Variants in TNPO3 observed in about 807,000 individuals in gnomAD.
The protein encoded by TNPO3 is transportin 3, also known as transportin-3.
Under a neutral mutation model 122.8 loss-of-function variants are expected in TNPO3, and 65 were observed. The observed-to-expected ratio is 0.53, with a 90% CI of 0.43 to 0.65. The LOEUF is 0.65. Among genes scored for constraint, TNPO3 ranks in the 30% least tolerant of loss-of-function variants. The probability of loss-of-function intolerance (pLI) is 0.00; values close to 1 mark genes in which losing one functional copy is unlikely to be tolerated. For missense variants in TNPO3, 850 were observed against 1,136.7 expected (o/e 0.75, Z 3.63); for synonymous variants, 372 against 411.2 (o/e 0.90, Z 1.15).
chr7:128,980,988 A>G (rs887507630), intron 14 of TNPO3, among the ~76,000 whole-genome samples: 1 of 152,226 alleles, frequency 6.6e-6, no homozygotes, highest in African/African-American at 2.4e-5. Context: ...AAAACCACAC[A>G]TAATTAACTA....
At position 129,023,353 on chromosome 7, in the gene TNPO3, GTAGA is replaced by G. The variant is rs1292535433; in HGVS notation, c.121-5200_121-5197del. On this transcript the variant is annotated intron_variant, in intron 1 of 22. Coordinates refer to ENST00000265388, the MANE Select transcript of TNPO3 (RefSeq NM_012470.4). ...TTTCTACACTTGTATACATACACGT[GTAGA>G]TAATTTATATATATTATATAGATAT... Among the ~76,000 whole-genome samples the G allele has an allele frequency of 7.2e-5, 11 of 151,770 alleles. No individual in the cohort carries two copies. In the East Asian group the frequency reaches 7.7e-4, roughly 11 times the overall value.
chr7:128,995,430 C>A (rs891696486), intron 8 of TNPO3, among the ~76,000 whole-genome samples: 3 of 152,174 alleles, frequency 2.0e-5, no homozygotes, highest in African/African-American at 7.2e-5. Context: ...CTAGTTCAAG[C>A]TCCTTGCTTT....
intron 17 of TNPO3, 30 bp from the exon 18 acceptor site, chr7:128,974,992 T>G (rs772701112): frequency 6.3e-7 from 1 of 1,582,598 alleles, no homozygotes; most frequent in East Asian, 2.2e-5. Flanking sequence ...TTAAAAGAAA[T>G]GCTTTTTCAG....
intron 14 of TNPO3, among the ~76,000 whole-genome samples, chr7:128,980,999 C>T (rs1799575419): frequency 6.6e-6 from 1 of 152,168 alleles, no homozygotes; most frequent in Non-Finnish European, 1.5e-5. Flanking sequence ...TAATTAACTA[C>T]AAACTACTTT....
chr7:129,054,742 A>G lies in TNPO3; in HGVS notation c.29T>C (p.Leu10Pro). ...AAGCGCCTGCACTGCCTGGTACACGAGCTGCAATGTCGGCTTTGCTCCTTC... is the reference window on the plus strand; with the variant it reads ...AAGCGCCTGCACTGCCTGGTACACGGGCTGCAATGTCGGCTTTGCTCCTTC... MEGAKPTLQ[L>P]VYQAVQALYH... is the part of the protein sequence containing the mutation. The change falls in exon 1 of 23, where the codon CTC becomes CCC. Residue 10 changes from leucine to proline, a missense_variant. Leu to Pro is a moderately conservative substitution (Grantham distance 98). Transcript: ENST00000265388. The G allele has an allele frequency of 6.2e-7, 1 of 1,614,148 alleles. No homozygotes were observed.
intron 1 of TNPO3, among the ~76,000 whole-genome samples, chr7:129,042,065 C>T (rs1807443708): frequency 6.6e-6 from 1 of 152,172 alleles, no homozygotes; most frequent in Non-Finnish European, 1.5e-5. Flanking sequence ...CCTAAGGACT[C>T]ATTAGCTGCC....
rs1375817061 is a variant in TNPO3, at chr7:128,954,485, C to T, written c.*932G>A. The T allele has an allele frequency of 1.3e-5, 2 of 152,194 alleles. No individual in the cohort carries two copies. Among genetic ancestry groups the T allele is most frequent in the African/African-American group, 4.8e-5 (2 of 41,422 alleles). 9.4% of individuals were successfully genotyped at this position (152,194 alleles called of 1,614,324 possible). A position where few individuals can be genotyped will look rare whatever the true frequency, so the allele number is the denominator to read the frequency against. ...CTCATGTCTGTGGGTGAATAATTCA[C>T]TAAGAAAAAAACCTTAAAAAACAAA... On this transcript the variant is annotated 3_prime_UTR_variant, in exon 23 of 23. Coordinates refer to ENST00000265388, the MANE Select transcript of TNPO3 (RefSeq NM_012470.4).
At chr7:129,012,763 A>G (rs534256414) in intron 4 of TNPO3, among the ~76,000 whole-genome samples, 8 of 152,166 alleles carry the variant, frequency 5.3e-5, no homozygotes, top group African/African-American at 1.7e-4. Context: ...ACCAGTAAAC[A>G]TTTTCTATAA....
At chr7:129,004,091 T>C (rs564097204) in intron 5 of TNPO3, among the ~76,000 whole-genome samples, 1 of 152,326 alleles carries the variant, frequency 6.6e-6, no homozygotes, top group South Asian at 2.1e-4. Context: ...GGCATCCTAA[T>C]TTTCCTAAGG....
intron 1 of TNPO3, among the ~76,000 whole-genome samples, chr7:129,020,602 G>A (rs1302423261): frequency 6.6e-6 from 1 of 152,028 alleles, no homozygotes. Flanking sequence ...ACCACACCCG[G>A]CTAATTTTTG....
intron 1 of TNPO3, among the ~76,000 whole-genome samples, chr7:129,033,580 C>A (rs987776636): frequency 6.6e-6 from 1 of 152,052 alleles, no homozygotes; most frequent in African/African-American, 2.4e-5. Flanking sequence ...ACCATATATT[C>A]CAAAAATCCC....
intron 1 of TNPO3, among the ~76,000 whole-genome samples, chr7:129,022,098 T>G (rs545122056): frequency 6.6e-6 from 1 of 152,262 alleles, no homozygotes; most frequent in South Asian, 2.1e-4. Context: ...CAAGAAAATG[T>G]TCCTGGTTGG....
intron 9 of TNPO3, among the ~76,000 whole-genome samples, chr7:128,993,115 C>T (rs1241913813): frequency 7.3e-6 from 1 of 137,474 alleles, no homozygotes; most frequent in African/African-American, 2.8e-5. Flanking sequence ...CCCAAATATA[C>T]AAAAAATGAC....
At chr7:128,996,002 T>C (rs1483446762) in intron 8 of TNPO3, among the ~76,000 whole-genome samples, 2 of 152,160 alleles carry the variant, frequency 1.3e-5, no homozygotes, top group Admixed American at 1.3e-4. Flanking sequence ...CCCAGTTGGA[T>C]TCTTCACTTT....
intron 13 of TNPO3, among the ~76,000 whole-genome samples, chr7:128,983,448 C>T (rs1487451582): frequency 6.6e-6 from 1 of 152,120 alleles, no homozygotes; most frequent in African/African-American, 2.4e-5. Context: ...AAATGATCCA[C>T]CTGTCTAGGC....
chr7:128,990,212 C>A, intron 10 of TNPO3, 112 bp from the exon 11 acceptor site: 1 of 1,173,018 alleles, frequency 8.5e-7, no homozygotes, highest in Non-Finnish European at 1.3e-6. Flanking sequence ...TCTAAACAAC[C>A]ATTAAGATAA....
chr7:128,959,870 A>C (rs991275550), intron 21 of TNPO3, among the ~76,000 whole-genome samples: 28 of 151,966 alleles, frequency 1.8e-4, no homozygotes, highest in African/African-American at 6.5e-4. Flanking sequence ...AAAAGACAAA[A>C]ATTAGCCGTG....
At chr7:128,970,087 G>T in intron 20 of TNPO3, 61 bp downstream of exon 20, 1 of 1,604,882 alleles carries the variant, frequency 6.2e-7, no homozygotes, top group Non-Finnish European at 8.5e-7. Context: ...TTGGCCTTAA[G>T]GAACCAAAGC....
At chr7:128,958,019 G>A (rs1318907306) in intron 21 of TNPO3, among the ~76,000 whole-genome samples, 1 of 151,792 alleles carries the variant, frequency 6.6e-6, no homozygotes, top group African/African-American at 2.4e-5. Flanking sequence ...GTCCAAAACT[G>A]TCACCAAGAA....
Sources: gnomAD v4.1 joint callset for allele counts (sites outside exome capture counted in the v4.1 genomes callset) on GRCh38, gnomAD v4.1.1 for gene constraint, MANE v1.5 for transcripts, NCBI Gene and HGNC (gene_info 2026-07-23, HGNC 2026-07-21) for gene names.